Variants in CLDN10 observed in about 807,000 individuals in gnomAD.
The protein encoded by CLDN10 is claudin 10.
A neutral mutation model predicts 22.9 loss-of-function variants in CLDN10; 15 were observed. The ratio of observed to expected loss-of-function variants is 0.65; its 90% CI spans 0.44 to 1.01. The LOEUF is 1.01. Ranked by LOEUF, CLDN10 falls within the 50% of genes least tolerant of loss-of-function variation. The pLI, the probability that CLDN10 is intolerant of heterozygous loss-of-function variation, is 0.00. For missense variants in CLDN10, 247 were observed against 287.8 expected (o/e 0.86, Z 1.03); for synonymous variants, 114 against 111.4 (o/e 1.02, Z -0.15).
upstream of CLDN10, chr13:95,552,576 G>C (rs1469084089): frequency 1.5e-5 from 10 of 688,172 alleles, no homozygotes; most frequent in South Asian, 3.0e-4. Flanking sequence ...GCCCCTCAAG[G>C]GACAGGGCAT....
rs369153574 is a variant in CLDN10 at position 95,438,661 on chromosome 13, C to G, written c.214+4614C>G. 3.5e-4 allele frequency among the ~76,000 whole-genome samples: 53 copies of G among 152,244 alleles called. 1 individual carries two copies. The South Asian group carries it at 6.8e-3, about 20-fold the overall frequency. On this transcript the variant is annotated intron_variant, in intron 1 of 4. Coordinates refer to the CLDN10 transcript ENST00000376873. The stretch of plus-strand genomic sequence containing the variant: ...AGATGCTTCACCTCTCTCCCCACTC[C>G]CTTATTTGGCCATGCCATAAAAATG...
At chr13:95,524,262 C>T (rs1220599831) in intron 1 of CLDN10, among the ~76,000 whole-genome samples, 2 of 152,108 alleles carry the variant, frequency 1.3e-5, no homozygotes, top group African/African-American at 4.8e-5. Context: ...TGAGGCCTTT[C>T]ACACGTTTTG....
intron 1 of CLDN10, among the ~76,000 whole-genome samples, chr13:95,505,207 A>C (rs1185830220): frequency 1.3e-5 from 2 of 152,226 alleles, no homozygotes; most frequent in Non-Finnish European, 2.9e-5. Context: ...ATGTGATAGG[A>C]TGGTATCAGG....
At chr13:95,477,481 A>T (rs182486788) in intron 1 of CLDN10, among the ~76,000 whole-genome samples, 1 of 152,248 alleles carries the variant, frequency 6.6e-6, no homozygotes, top group East Asian at 1.9e-4. Context: ...GACTCCTTCC[A>T]GGGGGAGGGG....
chr13:95,556,160 C>T (rs535991345), intron 1 of CLDN10, among the ~76,000 whole-genome samples: 1 of 152,194 alleles, frequency 6.6e-6, no homozygotes, highest in African/African-American at 2.4e-5. Flanking sequence ...ATTCTCCTGC[C>T]TCAGCCTCCT....
chr13:95,571,371 T>G (rs1421773202), intron 3 of CLDN10, among the ~76,000 whole-genome samples: 2 of 152,172 alleles, frequency 1.3e-5, no homozygotes, highest in Non-Finnish European at 2.9e-5. Flanking sequence ...CTATGAAGTT[T>G]CCATATATAA....
chr13:95,551,279 G>A (rs140407379), upstream of CLDN10, among the ~76,000 whole-genome samples: 222 of 152,286 alleles, frequency 1.5e-3, no homozygotes, highest in Non-Finnish European at 2.4e-3. Flanking sequence ...TTTTTAAAGG[G>A]CTGTCAAAAC....
chr13:95,532,571 A>T (rs1056182793), intron 1 of CLDN10, among the ~76,000 whole-genome samples: 5 of 152,090 alleles, frequency 3.3e-5, no homozygotes, highest in Admixed American at 2.0e-4. Flanking sequence ...CACTTTGAAA[A>T]ATGGTGAGGT....
At chr13:95,454,663 G>T (rs1183531474) in intron 1 of CLDN10, among the ~76,000 whole-genome samples, 1 of 152,136 alleles carries the variant, frequency 6.6e-6, no homozygotes, top group Non-Finnish European at 1.5e-5. Context: ...GAGTGTGGAA[G>T]GATGAAGGGA....
rs1473465215 is a variant in CLDN10 at position 95,578,964 on chromosome 13, T to A, written c.*950T>A. 1 of 152,230 alleles carries A rather than the reference T, an allele frequency of 6.6e-6. No individual in the cohort carries two copies. The highest frequency in any genetic ancestry group is 1.5e-5 in the Non-Finnish European group (1 of 68,050). 9.4% of individuals were successfully genotyped at this position (152,230 alleles called of 1,614,324 possible). ...GAATGCAGAGCCCTGAGCTAGGGCA[T>A]CAGCAGAAGCTGAGATAGAGATATT... On this transcript the variant is annotated 3_prime_UTR_variant, in exon 5 of 5. Coordinates refer to ENST00000299339, the MANE Select transcript of CLDN10 (RefSeq NM_006984.5).
intron 1 of CLDN10, among the ~76,000 whole-genome samples, chr13:95,545,352 T>C (rs1020898909): frequency 1.3e-5 from 2 of 151,906 alleles, no homozygotes; most frequent in Non-Finnish European, 2.9e-5. Flanking sequence ...GAAACCAGCC[T>C]GACCAACATG....
chr13:95,514,049 G>C (rs1300674569), intron 1 of CLDN10, among the ~76,000 whole-genome samples: 2 of 152,134 alleles, frequency 1.3e-5, no homozygotes, highest in Non-Finnish European at 2.9e-5. Context: ...CTTAAGCTCA[G>C]GAATTCAAGA....
intron 1 of CLDN10, among the ~76,000 whole-genome samples, chr13:95,553,317 C>G (rs953141414): frequency 6.6e-6 from 1 of 152,142 alleles, no homozygotes; most frequent in Non-Finnish European, 1.5e-5. Context: ...TCTTGGGGAC[C>G]GCTGGGACCC....
intron 1 of CLDN10, among the ~76,000 whole-genome samples, chr13:95,448,259 A>G (rs2042400007): frequency 6.6e-6 from 1 of 152,000 alleles, no homozygotes; most frequent in Non-Finnish European, 1.5e-5. Context: ...CATCACACAT[A>G]CATGTGGGCA....
chr13:95,436,236 T>C (rs917390178), intron 1 of CLDN10, among the ~76,000 whole-genome samples: 6 of 152,190 alleles, frequency 3.9e-5, no homozygotes, highest in Admixed American at 2.6e-4. Context: ...AAGGTTGGAG[T>C]GCAGTGGTAC....
intron 1 of CLDN10, among the ~76,000 whole-genome samples, chr13:95,540,157 G>A (rs900151048): frequency 6.6e-5 from 10 of 151,952 alleles, no homozygotes; most frequent in Non-Finnish European, 1.2e-4. Context: ...AAAATTAGCC[G>A]GGCATGGTGG....
chr13:95,547,268 C>A (rs1055833710), intron 1 of CLDN10, among the ~76,000 whole-genome samples: 41 of 152,074 alleles, frequency 2.7e-4, no homozygotes, highest in African/African-American at 9.9e-4. Flanking sequence ...CTCCCCGGGA[C>A]TATCCTCTGC....
intron 1 of CLDN10, among the ~76,000 whole-genome samples, chr13:95,482,158 C>T (rs4564445): frequency 0.59 from 90,273 of 152,056 alleles, 28,019 homozygotes; most frequent in African/African-American, 0.79. Flanking sequence ...TATTTCACAT[C>T]GCATGCCTGT....
At chr13:95,537,077 T>C (rs2043408037) in intron 1 of CLDN10, among the ~76,000 whole-genome samples, 1 of 152,226 alleles carries the variant, frequency 6.6e-6, no homozygotes, top group Non-Finnish European at 1.5e-5. Context: ...AAGTTGAAGC[T>C]AACATTTTTT....
Sources: gnomAD v4.1 joint callset for allele counts (sites outside exome capture counted in the v4.1 genomes callset) on GRCh38, gnomAD v4.1.1 for gene constraint, MANE v1.5 for transcripts, NCBI Gene and HGNC (gene_info 2026-07-23, HGNC 2026-07-21) for gene names.